Variants in NUBPL observed in about 807,000 individuals in gnomAD.
The protein encoded by NUBPL is iron-sulfur cluster transfer protein NUBPL.
NUBPL carries 31 observed loss-of-function variants against 45.7 expected under a neutral mutation model. That is an observed-to-expected ratio of 0.68 (90% confidence interval 0.51 to 0.92). NUBPL has a LOEUF of 0.92. Among genes scored for constraint, NUBPL ranks in the 40% least tolerant of loss-of-function variants. The pLI is 0.00. For missense variants in NUBPL, 401 were observed against 398.7 expected (o/e 1.01, Z -0.05); for synonymous variants, 144 against 140.9 (o/e 1.02, Z -0.15).
At chr14:31,713,685 C>G (rs1044586738) in intron 6 of NUBPL, among the ~76,000 whole-genome samples, 2 of 152,108 alleles carry the variant, frequency 1.3e-5, no homozygotes, top group African/African-American at 4.8e-5. Context: ...TTTTTTCTCT[C>G]TTGCTTAGAA....
rs930091597 is a variant in NUBPL at position 31,860,333 on chromosome 14, G to A, written c.*1153G>A. Reference sequence around the variant, plus strand: ...AAAAAAAAAAAAAAAAAAAAGTCGGGGGAGATGCAATATTTAGCATTTCCT... The same window carrying A: ...AAAAAAAAAAAAAAAAAAAAGTCGGAGGAGATGCAATATTTAGCATTTCCT... On this transcript the variant is annotated 3_prime_UTR_variant, in exon 11 of 11. Transcript: ENST00000281081. The A allele has an allele frequency of 7.3e-5, 11 of 150,528 alleles. No homozygotes were observed. The highest frequency in any genetic ancestry group is 4.6e-4 in the Admixed American group (7 of 15,126). 9.3% of individuals were successfully genotyped at this position (150,528 alleles called of 1,614,324 possible).
Position 31,790,776 on chromosome 14 carries a change from G to A in NUBPL, c.607+2903G>A, listed in dbSNP as rs187615202. On this transcript the variant is annotated intron_variant, in intron 7 of 10. Transcript: ENST00000281081. ...TGAGACAGGAGAATGGCATGAAGCT[G>A]GGAGGTGGAGCTTGCAGTGAGCCGA... 6.5e-3 allele frequency among the ~76,000 whole-genome samples: 993 copies of A among 152,130 alleles called. 12 individuals are homozygous for A. The highest frequency in any genetic ancestry group is 0.022 in the African/African-American group (930 of 41,518).
chr14:31,739,210 A>ATGT (rs2038226435), intron 6 of NUBPL, among the ~76,000 whole-genome samples: 2 of 96,534 alleles, frequency 2.1e-5, no homozygotes, highest in African/African-American at 6.0e-5. Flanking sequence ...TTCTATATAT[A>ATGT]TATTATATTA....
At chr14:31,613,152 G>A (rs1405910377) in intron 4 of NUBPL, among the ~76,000 whole-genome samples, 1 of 152,198 alleles carries the variant, frequency 6.6e-6, no homozygotes, top group Non-Finnish European at 1.5e-5. Flanking sequence ...CAACATGGAT[G>A]GAACTGGAGA....
chr14:31,598,963 A>G (rs2034352633), intron 3 of NUBPL, among the ~76,000 whole-genome samples: 1 of 152,068 alleles, frequency 6.6e-6, no homozygotes, highest in African/African-American at 2.4e-5. Context: ...TTGTTCTCAA[A>G]CTCATGTTCA....
At chr14:31,680,462 C>T (rs1027802766) in intron 6 of NUBPL, among the ~76,000 whole-genome samples, 1 of 151,960 alleles carries the variant, frequency 6.6e-6, no homozygotes, top group African/African-American at 2.4e-5. Flanking sequence ...AATGCTTTTC[C>T]CTTACCACTT....
intron 3 of NUBPL, among the ~76,000 whole-genome samples, chr14:31,594,911 T>C (rs1032259662): frequency 1.3e-5 from 2 of 152,182 alleles, no homozygotes; most frequent in African/African-American, 4.8e-5. Flanking sequence ...GGTACTTCTG[T>C]AGAAGTACAA....
intron 6 of NUBPL, among the ~76,000 whole-genome samples, chr14:31,700,484 G>C (rs2037306508): frequency 6.6e-6 from 1 of 152,196 alleles, no homozygotes; most frequent in African/African-American, 2.4e-5. Context: ...CACTGTGGGA[G>C]CCCCTCTCTG....
At chr14:31,628,619 A>G (rs534392563) in intron 4 of NUBPL, among the ~76,000 whole-genome samples, 2 of 152,334 alleles carry the variant, frequency 1.3e-5, no homozygotes, top group East Asian at 3.9e-4. Flanking sequence ...CCATGTCTGA[A>G]TAGCCCTTTT....
chr14:31,645,655 T>C (rs2035827524), intron 4 of NUBPL, among the ~76,000 whole-genome samples: 1 of 152,070 alleles, frequency 6.6e-6, no homozygotes, highest in South Asian at 2.1e-4. Flanking sequence ...GCAATGTGGT[T>C]AGTATGAGAC....
intron 7 of NUBPL, among the ~76,000 whole-genome samples, chr14:31,788,454 T>C (rs2039323767): frequency 6.6e-6 from 1 of 152,232 alleles, no homozygotes; most frequent in Non-Finnish European, 1.5e-5. Context: ...TGACTAGTTC[T>C]TGCCACAGTT....
intron 7 of NUBPL, among the ~76,000 whole-genome samples, 154 bp downstream of exon 7, chr14:31,788,027 A>G (rs2039315222): frequency 6.6e-6 from 1 of 152,256 alleles, no homozygotes; most frequent in African/African-American, 2.4e-5. Flanking sequence ...TAAATTATTC[A>G]AAATATTACC....
At chr14:31,633,741 C>T (rs1051334317) in intron 4 of NUBPL, among the ~76,000 whole-genome samples, 5 of 152,174 alleles carry the variant, frequency 3.3e-5, no homozygotes, top group African/African-American at 2.4e-5. Flanking sequence ...TTCCTAATAA[C>T]TTTCACATAT....
intron 6 of NUBPL, among the ~76,000 whole-genome samples, chr14:31,744,003 T>G (rs1170722868): frequency 6.6e-6 from 1 of 152,120 alleles, no homozygotes; most frequent in African/African-American, 2.4e-5. Flanking sequence ...GGATAATATA[T>G]TAGATGAATG....
intron 6 of NUBPL, among the ~76,000 whole-genome samples, chr14:31,712,545 C>A (rs1019129007): frequency 1.3e-5 from 2 of 152,230 alleles, no homozygotes; most frequent in African/African-American, 4.8e-5. Context: ...CAGAGGGAGC[C>A]AGCTCCGGCC....
In NUBPL at chr14:31,785,110, G is replaced by A. The variant is rs543957931; in HGVS notation, c.514-2670G>A. Among the ~76,000 whole-genome samples, 9 of 152,182 alleles carry A rather than the reference G, an allele frequency of 5.9e-5. No individual in the cohort carries two copies. In the East Asian group the frequency reaches 1.2e-3, roughly 20 times the overall value. Reference sequence around the variant, plus strand: ...CAATTCTTTCTCCTTACTCTACACCGTCTGACCTTGGGGACCAAAGAGATT... The same window carrying A: ...CAATTCTTTCTCCTTACTCTACACCATCTGACCTTGGGGACCAAAGAGATT... On this transcript the variant is annotated intron_variant, in intron 6 of 10. Transcript: ENST00000281081.
chr14:31,701,342 A>C (rs1274897347), intron 6 of NUBPL, among the ~76,000 whole-genome samples: 1 of 152,110 alleles, frequency 6.6e-6, no homozygotes, highest in African/African-American at 2.4e-5. Context: ...AGGGATCGTA[A>C]ACGCACCAGT....
At chr14:31,599,467 A>G (rs2034368940) in intron 4 of NUBPL, 88 bp downstream of exon 4, 3 of 903,150 alleles carry the variant, frequency 3.3e-6, no homozygotes. Context: ...GATGCAATGT[A>G]TATTTTATGC....
intron 7 of NUBPL, among the ~76,000 whole-genome samples, chr14:31,804,547 T>C (rs2039648858): frequency 6.6e-6 from 1 of 152,032 alleles, no homozygotes; most frequent in Non-Finnish European, 1.5e-5. Flanking sequence ...AGATAGTTCA[T>C]TCAGTTTTGT....
Sources: allele counts gnomAD v4.1 joint callset (sites outside exome capture counted in the v4.1 genomes callset), GRCh38; gene constraint gnomAD v4.1.1; transcripts MANE v1.5; gene names NCBI Gene and HGNC (gene_info 2026-07-23, HGNC 2026-07-21).